Variants in RNF182 observed in about 807,000 individuals in gnomAD.
RNF182 encodes ring finger protein 182.
A neutral mutation model predicts 14.4 loss-of-function variants in RNF182; 15 were observed. That is an observed-to-expected ratio of 1.04 (90% CI 0.70 to 1.60). The LOEUF is 1.60. RNF182 is among the 40% of genes most tolerant of loss of function. The pLI, the probability that RNF182 is intolerant of heterozygous loss-of-function variation, is 0.00. For missense variants in RNF182, 268 were observed against 294.8 expected (o/e 0.91, Z 0.67); for synonymous variants, 128 against 122.9 (o/e 1.04, Z -0.27).
intron 2 of RNF182, 42 bp from the exon 3 acceptor site, chr6:13,976,867 G>A: frequency 2.3e-6 from 1 of 429,874 alleles, no homozygotes. Flanking sequence ...CACCGTTTCA[G>A]TGAACTGTTC....
At chr6:13,925,183 C>G (rs1329255498) in intron 1 of RNF182, 160 bp downstream of exon 1, 1 of 146,196 alleles carries the variant, frequency 6.8e-6, no homozygotes, top group Non-Finnish European at 1.5e-5. Context: ...CGCCGGGGCC[C>G]GCGCGCGGAG....
intron 2 of RNF182, 40 bp from the exon 3 acceptor site, chr6:13,976,869 G>T: frequency 2.3e-6 from 1 of 442,550 alleles, no homozygotes; most frequent in East Asian, 3.4e-5. Context: ...CCGTTTCAGT[G>T]AACTGTTCAT....
chr6:13,938,021 T>TC (rs1759182021), intron 1 of RNF182, among the ~76,000 whole-genome samples: 1 of 145,996 alleles, frequency 6.8e-6, no homozygotes, highest in South Asian at 2.2e-4. Context: ...TTTTTTTTTT[T>TC]TTTTTTGAGA....
chr6:13,960,719 C>G (rs1759858661), intron 1 of RNF182, among the ~76,000 whole-genome samples: 1 of 147,542 alleles, frequency 6.8e-6, no homozygotes, highest in Non-Finnish European at 1.5e-5. Context: ...ATGTGATGTA[C>G]AGTATTAGTT....
At chr6:13,960,882 A>T (rs952216647) in intron 1 of RNF182, among the ~76,000 whole-genome samples, 33 of 152,164 alleles carry the variant, frequency 2.2e-4, no homozygotes, top group African/African-American at 8.0e-4. Context: ...ATTATGAAGG[A>T]AGAAATTAAT....
Position 13,946,153 on chromosome 6 carries a change from ATT to A in RNF182, c.-367+21131_-367+21132del, listed in dbSNP as rs1491249264. Among the ~76,000 whole-genome samples, 18 of 145,654 alleles carry A rather than the reference ATT, an allele frequency of 1.2e-4. No individual in the cohort carries two copies. In the South Asian group the frequency reaches 3.7e-3, roughly 30 times the overall value. ...TTTAAAGCAAAACATTATTATTATT[ATT>A]ATTATTATTATTATTATTATTATTA... is the stretch of plus-strand genomic sequence containing the variant. On this transcript the variant is annotated intron_variant, in intron 1 of 2. Transcript: ENST00000488300.
rs538642812 is a variant in RNF182, at chr6:13,953,557, T to C, written c.-366-20653T>C. Among the ~76,000 whole-genome samples, 4 of 152,232 alleles carry C rather than the reference T, an allele frequency of 2.6e-5. No homozygotes were observed. The South Asian group carries it at 6.2e-4, about 24-fold the overall frequency. ...TCCAGTGTTTTATATTCACGAGTCA[T>C]GGAATAGGCAGTGTGAAGCCTCTGG... On this transcript the variant is annotated intron_variant, in intron 1 of 2. Transcript: ENST00000488300.
chr6:13,963,292 G>GA (rs1759925949), intron 1 of RNF182, among the ~76,000 whole-genome samples: 1 of 152,198 alleles, frequency 6.6e-6, no homozygotes, highest in African/African-American at 2.4e-5. Flanking sequence ...TTCTAGGTAG[G>GA]CATGATACTC....
chr6:13,948,093 T>C (rs1585036547), intron 1 of RNF182, among the ~76,000 whole-genome samples: 1 of 152,226 alleles, frequency 6.6e-6, no homozygotes, highest in Non-Finnish European at 1.5e-5. Flanking sequence ...AAGTCATGAA[T>C]AGATTATTTT....
rs368289412 is a variant in RNF182, at chr6:13,943,331, A to C, written c.-367+18308A>C. Among the ~76,000 whole-genome samples, 15 of 151,460 alleles carry C rather than the reference A, an allele frequency of 9.9e-5. No individual in the cohort carries two copies. The East Asian group carries it at 2.9e-3, about 29-fold the overall frequency. On this transcript the variant is annotated intron_variant, in intron 1 of 2. Transcript: ENST00000488300. ...AAATAGGGTCTCACCGTGTTGTCCA[A>C]GTTGTTCTTGAACTGCTGGGCTCAA...
At chr6:13,941,256 A>G (rs920037754) in intron 1 of RNF182, among the ~76,000 whole-genome samples, 1 of 152,130 alleles carries the variant, frequency 6.6e-6, no homozygotes, top group African/African-American at 2.4e-5. Context: ...GATATATACA[A>G]ACTTATAATT....
At chr6:13,955,793 C>T (rs1759713358) in intron 1 of RNF182, among the ~76,000 whole-genome samples, 1 of 152,138 alleles carries the variant, frequency 6.6e-6, no homozygotes, top group Admixed American at 6.5e-5. Context: ...TGGCTCACAC[C>T]TGTAATTGCA....
intron 1 of RNF182, among the ~76,000 whole-genome samples, chr6:13,951,032 G>A (rs1759577403): frequency 1.3e-5 from 2 of 152,220 alleles, no homozygotes; most frequent in South Asian, 2.1e-4. Flanking sequence ...CCTGGCCTCA[G>A]GTGATCTGCC....
Position 13,978,349 on chromosome 6 carries a change from G to T in RNF182, c.*486G>T. 6.0e-6 allele frequency: 1 copy of T among 165,676 alleles called. No individual in the cohort carries two copies. The allele number at this position is 165,676 out of a possible 1,614,324, so 10.3% of individuals were successfully genotyped here. On this transcript the variant is annotated 3_prime_UTR_variant, in exon 3 of 3. Transcript: ENST00000488300. Reference sequence around the variant, plus strand: ...TGTTTTCTCTCTTAAGTCACTCTCTGTGGTCGGCGATCCCATTGAGATACT... The same window carrying T: ...TGTTTTCTCTCTTAAGTCACTCTCTTTGGTCGGCGATCCCATTGAGATACT...
intron 1 of RNF182, among the ~76,000 whole-genome samples, chr6:13,950,875 C>G (rs1759573693): frequency 6.6e-6 from 1 of 152,084 alleles, no homozygotes; most frequent in Non-Finnish European, 1.5e-5. Context: ...CAGCTCACTG[C>G]AATCTCTGGC....
Position 13,978,937 on chromosome 6 carries a change from A to G in RNF182, c.*1074A>G, listed in dbSNP as rs888267848. The G allele has an allele frequency of 6.0e-6, 1 of 167,072 alleles. No individual in the cohort carries two copies. Among genetic ancestry groups the G allele is most frequent in the African/African-American group, 2.4e-5 (1 of 41,442 alleles). 10.3% of individuals were successfully genotyped at this position (167,072 alleles called of 1,614,324 possible). On this transcript the variant is annotated 3_prime_UTR_variant, in exon 3 of 3. Coordinates refer to ENST00000488300, the MANE Select transcript of RNF182 (RefSeq NM_152737.4). Reference sequence around the variant, plus strand: ...TTGCTGTACGGTACTGAGCTGTACCAAAATATGATGGTTTAGGTTTATGTG... The same window carrying G: ...TTGCTGTACGGTACTGAGCTGTACCGAAATATGATGGTTTAGGTTTATGTG...
At position 13,965,541 on chromosome 6, in the gene RNF182, A is replaced by G. The variant is rs551010823; in HGVS notation, c.-366-8669A>G. Among the ~76,000 whole-genome samples, 6 of 152,372 alleles carry G rather than the reference A, an allele frequency of 3.9e-5. No homozygotes were observed. The East Asian group carries it at 5.8e-4, about 15-fold the overall frequency. On this transcript the variant is annotated intron_variant, in intron 1 of 2. Transcript: ENST00000488300. ...TTTATTGGAAAAGTTCTTGAACTAT[A>G]TATTAAGAATAAGAGGCAAAATCTT...
chr6:13,949,922 T>C (rs1485411909), intron 1 of RNF182, among the ~76,000 whole-genome samples: 1 of 152,186 alleles, frequency 6.6e-6, no homozygotes, highest in Non-Finnish European at 1.5e-5. Context: ...ACCCTCTTAA[T>C]TTTAGTCAAT....
chr6:13,974,825 A>T (rs1484908772), intron 2 of RNF182, among the ~76,000 whole-genome samples: 2 of 152,138 alleles, frequency 1.3e-5, no homozygotes, highest in African/African-American at 4.8e-5. Flanking sequence ...TGATGTCTTT[A>T]TGCATGTGTT....
Sources: gnomAD v4.1 joint callset for allele counts (sites outside exome capture counted in the v4.1 genomes callset) on GRCh38, gnomAD v4.1.1 for gene constraint, MANE v1.5 for transcripts, NCBI Gene and HGNC (gene_info 2026-07-23, HGNC 2026-07-21) for gene names.